JAM2: variants seen among roughly 807,000 people sequenced by gnomAD.
JAM2 encodes junctional adhesion molecule B.
A neutral mutation model predicts 42.0 loss-of-function variants in JAM2; 17 were observed. That is an observed-to-expected ratio of 0.40 (90% CI 0.28 to 0.61). The LOEUF (loss-of-function observed/expected upper bound fraction) is 0.61, where lower values mean the gene tolerates loss of function less well. JAM2 is among the 20% of genes least tolerant of loss of function. JAM2 has a pLI of 0.37. For missense variants in JAM2, 319 were observed against 358.3 expected, an observed-to-expected ratio of 0.89 and a Z score of 0.89; for synonymous variants, 118 against 128.6, an observed-to-expected ratio of 0.92 and a Z score of 0.56.
At chr21:25,688,017 T>G (rs2033788358) in intron 2 of JAM2, among the ~76,000 whole-genome samples, 1 of 152,214 alleles carries the variant, frequency 6.6e-6, no homozygotes, top group Admixed American at 6.5e-5. Flanking sequence ...CTTTGTTTCG[T>G]TCACTGATAC....
At chr21:25,676,149 G>A (rs1355155156) in intron 1 of JAM2, among the ~76,000 whole-genome samples, 1 of 151,706 alleles carries the variant, frequency 6.6e-6, no homozygotes, top group African/African-American at 2.4e-5. Flanking sequence ...TTAGCCAGGT[G>A]TGGTGGCACA....
chr21:25,649,594 G>C (rs898369202), intron 1 of JAM2, among the ~76,000 whole-genome samples: 4 of 152,162 alleles, frequency 2.6e-5, no homozygotes, highest in African/African-American at 9.7e-5. Context: ...GTATTAGCAT[G>C]TTAGTTGTAA....
At chr21:25,671,592 A>G (rs1277705840) in intron 1 of JAM2, among the ~76,000 whole-genome samples, 1 of 151,544 alleles carries the variant, frequency 6.6e-6, no homozygotes, top group Non-Finnish European at 1.5e-5. Context: ...TGCAACCTCC[A>G]CCTCCCAGGT....
rs1601046314 is a variant in JAM2 at position 25,694,842 on chromosome 21, AAAAAAAAT to A, written c.394+940_394+947del. Reference sequence around the variant, plus strand: ...GAGACAGCAGGACTTTCTCAAAAAAAAAAAAAATAAAAAGAATCACTGATAGTAACAGC... The same window carrying A: ...GAGACAGCAGGACTTTCTCAAAAAAAAAAAAGAATCACTGATAGTAACAGC... On this transcript the variant is annotated intron_variant, in intron 4 of 9. Coordinates refer to ENST00000480456, the MANE Select transcript of JAM2 (RefSeq NM_021219.4). Among the ~76,000 whole-genome samples the A allele has an allele frequency of 2.0e-5, 3 of 147,756 alleles. No individual in the cohort carries two copies. In the East Asian group the frequency reaches 6.1e-4, roughly 30 times the overall value.
At chr21:25,648,363 C>T (rs954774751) in intron 1 of JAM2, among the ~76,000 whole-genome samples, 1 of 152,014 alleles carries the variant, frequency 6.6e-6, no homozygotes, top group Non-Finnish European at 1.5e-5. Context: ...AAAATTGTAC[C>T]TAAGCATATT....
At chr21:25,692,294 T>A (rs1417944306) in intron 3 of JAM2, 1 of 157,284 alleles carries the variant, frequency 6.4e-6, no homozygotes, top group Admixed American at 6.5e-5. Context: ...TTGAAAATAA[T>A]GTAGATATTG....
chr21:25,643,306 G>T (rs1388274161), intron 1 of JAM2, among the ~76,000 whole-genome samples: 2 of 152,174 alleles, frequency 1.3e-5, no homozygotes, highest in Non-Finnish European at 2.9e-5. Flanking sequence ...GTTTGGTGGG[G>T]TGTTGTCATG....
At chr21:25,650,963 A>T (rs1399732348) in intron 1 of JAM2, among the ~76,000 whole-genome samples, 4 of 151,654 alleles carry the variant, frequency 2.6e-5, no homozygotes, top group Non-Finnish European at 4.4e-5. Context: ...GGAAAAATGG[A>T]TCAGAACCTG....
At chr21:25,687,632 C>T (rs1194515503) in intron 2 of JAM2, among the ~76,000 whole-genome samples, 4 of 152,208 alleles carry the variant, frequency 2.6e-5, no homozygotes, top group Non-Finnish European at 2.9e-5. Context: ...AACCAGGTGA[C>T]TTAAAACAAT....
At chr21:25,650,203 A>G (rs1258059505) in intron 1 of JAM2, among the ~76,000 whole-genome samples, 2 of 152,198 alleles carry the variant, frequency 1.3e-5, no homozygotes, top group Non-Finnish European at 2.9e-5. Context: ...CATTTAAACC[A>G]TTGTAGAGCC....
At chr21:25,713,025 G>C (rs923419305) in intron 9 of JAM2, among the ~76,000 whole-genome samples, 1 of 152,186 alleles carries the variant, frequency 6.6e-6, no homozygotes, top group East Asian at 1.9e-4. Context: ...ACTTCCTGCT[G>C]TGTCCTCACA....
intron 2 of JAM2, among the ~76,000 whole-genome samples, chr21:25,689,373 G>T (rs2033825814): frequency 6.6e-6 from 1 of 152,220 alleles, no homozygotes; most frequent in East Asian, 1.9e-4. Flanking sequence ...GCTGGATTCA[G>T]TGCCTTTCTT....
At chr21:25,672,647 T>C (rs533181892) in intron 1 of JAM2, among the ~76,000 whole-genome samples, 2 of 152,330 alleles carry the variant, frequency 1.3e-5, no homozygotes, top group East Asian at 1.9e-4. Flanking sequence ...TCCTAATTTA[T>C]ATAGCTCTCA....
intron 1 of JAM2, among the ~76,000 whole-genome samples, chr21:25,652,273 T>A (rs2032802942): frequency 6.6e-6 from 1 of 152,154 alleles, no homozygotes; most frequent in Non-Finnish European, 1.5e-5. Flanking sequence ...ATGCCTGTAG[T>A]CTCAGCTACT....
chr21:25,700,213 T>A (rs1260042501), intron 5 of JAM2, among the ~76,000 whole-genome samples: 1 of 152,172 alleles, frequency 6.6e-6, no homozygotes, highest in Non-Finnish European at 1.5e-5. Flanking sequence ...AAAGGGTCAT[T>A]AAGCTTGAAG....
chr21:25,683,993 C>G (rs1012184246), intron 2 of JAM2, 45 bp downstream of exon 2: 3 of 1,219,328 alleles, frequency 2.5e-6, no homozygotes, highest in African/African-American at 1.5e-5. Context: ...GTTTAAATAA[C>G]TCACGAGAGT....
At chr21:25,640,721 A>G (rs1036205614) in intron 1 of JAM2, among the ~76,000 whole-genome samples, 1 of 152,142 alleles carries the variant, frequency 6.6e-6, no homozygotes, top group Admixed American at 6.5e-5. Flanking sequence ...TAAGCAATGC[A>G]GTTCTACTTT....
chr21:25,665,765 A>G (rs1369846848), intron 1 of JAM2, among the ~76,000 whole-genome samples: 1 of 152,126 alleles, frequency 6.6e-6, no homozygotes, highest in Non-Finnish European at 1.5e-5. Context: ...CTCACGCCAC[A>G]CACAGTGGCT....
At chr21:25,681,931 G>C (rs937464302) in intron 1 of JAM2, among the ~76,000 whole-genome samples, 9 of 152,212 alleles carry the variant, frequency 5.9e-5, no homozygotes, top group African/African-American at 1.9e-4. Context: ...GTAGTGAGCT[G>C]AGATTGTGCC....
Sources: gnomAD v4.1 joint callset for allele counts (sites outside exome capture counted in the v4.1 genomes callset) on GRCh38, gnomAD v4.1.1 for gene constraint, MANE v1.5 for transcripts, NCBI Gene and HGNC (gene_info 2026-07-23, HGNC 2026-07-21) for gene names.